The following GGCT variants were observed in gnomAD, a reference collection of about 807,000 sequenced individuals.
The protein encoded by GGCT is cytochrome c-releasing factor 21.
Under a neutral mutation model 22.1 loss-of-function variants are expected in GGCT, and 20 were observed. The observed-to-expected ratio is 0.91, with a 90% CI of 0.64 to 1.32. GGCT has a LOEUF of 1.32. Ranked by LOEUF, GGCT falls within the 40% of genes most tolerant of loss-of-function variation. GGCT has a pLI of 0.00. For synonymous variants in GGCT, 72 were observed against 78.4 expected (o/e 0.92, Z 0.43); for missense variants, 209 against 223.5 (o/e 0.94, Z 0.41).
At chr7:30,501,113 C>A (rs1205005741) in intron 1 of GGCT, among the ~76,000 whole-genome samples, 1 of 152,088 alleles carries the variant, frequency 6.6e-6, no homozygotes, top group Non-Finnish European at 1.5e-5. Flanking sequence ...GAGTATCCTA[C>A]CAACATATAT....
chr7:30,497,445 T>A, intron 3 of GGCT: 1 of 395,146 alleles, frequency 2.5e-6, no homozygotes, highest in South Asian at 1.1e-4. Flanking sequence ...AAATGAAGCA[T>A]CCTCATGGAA....
chr7:30,500,702 A>G (rs1789679955), intron 1 of GGCT, 21 bp from the exon 2 acceptor site: 7 of 1,604,946 alleles, frequency 4.4e-6, no homozygotes, highest in Non-Finnish European at 5.1e-6. Flanking sequence ...AATCAAAGTG[A>G]TATGATCAAT....
At chr7:30,501,232 A>C (rs1280588458) in intron 1 of GGCT, among the ~76,000 whole-genome samples, 2 of 152,202 alleles carry the variant, frequency 1.3e-5, no homozygotes, top group Non-Finnish European at 2.9e-5. Flanking sequence ...TCATAAGAGC[A>C]CCTAACACTA....
intron 1 of GGCT, among the ~76,000 whole-genome samples, chr7:30,501,234 C>G (rs890462603): frequency 1.6e-4 from 25 of 152,236 alleles, no homozygotes; most frequent in Middle Eastern, 3.4e-3. Context: ...ATAAGAGCAC[C>G]TAACACTAAC....
intron 2 of GGCT, 126 bp from the exon 3 acceptor site, chr7:30,499,064 T>G (rs778658527): frequency 5.9e-6 from 5 of 844,064 alleles, no homozygotes; most frequent in African/African-American, 3.3e-5. Context: ...TGAACATACT[T>G]GCTCCCTATG....
chr7:30,500,969 T>C (rs1189056697), intron 1 of GGCT, among the ~76,000 whole-genome samples: 1 of 152,206 alleles, frequency 6.6e-6, no homozygotes, highest in Non-Finnish European at 1.5e-5. Context: ...ATAACCCCAA[T>C]GCCTGAACAC....
At chr7:30,504,443 A>G in intron 1 of GGCT, 126 bp downstream of exon 1, 1 of 1,096,876 alleles carries the variant, frequency 9.1e-7, no homozygotes, top group Non-Finnish European at 1.3e-6. Context: ...AGGAGGCGGA[A>G]GCCGCGTCCT....
Position 30,504,672 on chromosome 7 carries a change from T to C in GGCT, c.38A>G (p.Asp13Gly). 6.2e-7 allele frequency: 1 copy of C among 1,614,018 alleles called. No homozygotes were observed. The highest frequency in any genetic ancestry group is 8.5e-7 in the Non-Finnish European group (1 of 1,179,934). ...NSGCKDVTGP[D>G]EESFLYFAYG... ...GGCAAAGTACAGAAAACTCTCCTCA[T>C]CTGGACCCGTGACGTCCTTGCAGCC... Residue 13 changes from aspartate (D) to glycine (G), a missense_variant, in exon 1 of 4, where the codon GAT (aspartate) becomes GGT (glycine). Coordinates refer to ENST00000275428, the MANE Select transcript of GGCT (RefSeq NM_024051.4).
At chr7:30,503,945 T>C (rs1224069314) in intron 1 of GGCT, among the ~76,000 whole-genome samples, 1 of 152,144 alleles carries the variant, frequency 6.6e-6, no homozygotes, top group Non-Finnish European at 1.5e-5. Flanking sequence ...TGAGAGTTCC[T>C]CGAAACAGCC....
intron 2 of GGCT, among the ~76,000 whole-genome samples, chr7:30,499,875 C>G (rs1347303315): frequency 2.0e-5 from 3 of 148,556 alleles, no homozygotes; most frequent in African/African-American, 7.4e-5. Flanking sequence ...AAACATTGTT[C>G]TTTGGGCTAC....
At position 30,504,644 on chromosome 7, in the gene GGCT, G is replaced by C; in HGVS notation, c.66C>G (p.Tyr22Ter). 1 of 1,614,074 alleles carries C rather than the reference G, an allele frequency of 6.2e-7. No individual in the cohort carries two copies. Among genetic ancestry groups the C allele is most frequent in the South Asian group, 1.1e-5 (1 of 91,082 alleles). ...PDEESFLYFA[Y>*]GSNLLTERIH... Reference sequence around the variant, plus strand: ...TCCTCTCTGTCAGCAGGTTGCTGCCGTAGGCAAAGTACAGAAAACTCTCCT... The same window carrying C: ...TCCTCTCTGTCAGCAGGTTGCTGCCCTAGGCAAAGTACAGAAAACTCTCCT... The change falls in exon 1 of 4, where the codon TAC becomes TAG. Residue 22 changes from tyrosine to a stop codon, truncating the protein, a stop_gained. Coordinates refer to ENST00000275428, the MANE Select transcript of GGCT (RefSeq NM_024051.4). LOFTEE classifies it high-confidence loss of function.
At chr7:30,502,909 C>A (rs928350830) in intron 1 of GGCT, among the ~76,000 whole-genome samples, 4 of 150,592 alleles carry the variant, frequency 2.7e-5, no homozygotes, top group African/African-American at 9.8e-5. Flanking sequence ...AGAAATCTAT[C>A]TTTCATGTGC....
chr7:30,503,683 A>C (rs1789754709), intron 1 of GGCT, among the ~76,000 whole-genome samples: 2 of 151,058 alleles, frequency 1.3e-5, no homozygotes, highest in African/African-American at 4.9e-5. Flanking sequence ...ACTGTATTAC[A>C]GTTGCTGTGC....
At chr7:30,500,782 A>T (rs1789682337) in intron 1 of GGCT, 101 bp from the exon 2 acceptor site, 1 of 929,452 alleles carries the variant, frequency 1.1e-6, no homozygotes, top group African/African-American at 1.7e-5. Flanking sequence ...CAATTAAAAC[A>T]GTCAATAAAC....
chr7:30,499,106 C>A, intron 2 of GGCT, 168 bp from the exon 3 acceptor site: 1 of 709,096 alleles, frequency 1.4e-6, no homozygotes, highest in Non-Finnish European at 2.5e-6. Context: ...AAATTTACCA[C>A]ATCAAAAGTA....
chr7:30,498,147 C>T (rs1379960641), intron 3 of GGCT, among the ~76,000 whole-genome samples: 2 of 147,126 alleles, frequency 1.4e-5, no homozygotes, highest in Non-Finnish European at 3.0e-5. Context: ...TACATGTCTA[C>T]ATCATAAAAA....
At chr7:30,504,455 G>A (rs1470938599) in intron 1 of GGCT, 114 bp downstream of exon 1, 1 of 1,248,938 alleles carries the variant, frequency 8.0e-7, no homozygotes, top group Non-Finnish European at 1.1e-6. Context: ...CCGCGTCCTA[G>A]TACCCTCATC....
At chr7:30,500,024 G>T (rs1214084913) in intron 2 of GGCT, among the ~76,000 whole-genome samples, 1 of 152,074 alleles carries the variant, frequency 6.6e-6, no homozygotes, top group Non-Finnish European at 1.5e-5. Context: ...ACTCTTTTCT[G>T]CAACTTTTCT....
Position 30,504,816 on chromosome 7 carries a change from C to T in GGCT, c.-107G>A, listed in dbSNP as rs548825897. On this transcript the variant is annotated 5_prime_UTR_variant, in exon 1 of 4. Coordinates refer to ENST00000275428, the MANE Select transcript of GGCT (RefSeq NM_024051.4). The stretch of plus-strand genomic sequence containing the variant: ...GGCGCAGTGACCGCCGCGCGGCAGC[C>T]TCAGGGTTAGGGGACTGGCGGGAAG... 1.7e-6 allele frequency: 2 copies of T among 1,191,104 alleles called. No individual in the cohort carries two copies. Among genetic ancestry groups the T allele is most frequent in the African/African-American group, 3.0e-5 (2 of 67,106 alleles). The allele number at this position is 1,191,104 out of a possible 1,614,324, so 73.8% of individuals were successfully genotyped here.
Sources: gnomAD v4.1 joint callset for allele counts (sites outside exome capture counted in the v4.1 genomes callset) on GRCh38, gnomAD v4.1.1 for gene constraint, MANE v1.5 for transcripts, NCBI Gene and HGNC (gene_info 2026-07-23, HGNC 2026-07-21) for gene names.